DCLK3: variants seen among roughly 807,000 people sequenced by gnomAD.
The protein encoded by DCLK3 is doublecortin like kinase 3.
In DCLK3, 30 loss-of-function variants were observed where a neutral mutation model predicts 46.4. The ratio of observed to expected loss-of-function variants is 0.65; its 90% CI spans 0.48 to 0.88. DCLK3 has a LOEUF of 0.88. Among genes scored for constraint, DCLK3 ranks in the 40% least tolerant of loss-of-function variants. The probability of loss-of-function intolerance (pLI) is 0.00; values close to 1 mark genes in which losing one functional copy is unlikely to be tolerated. For missense variants in DCLK3, 846 were observed against 907.1 expected, an observed-to-expected ratio of 0.93 and a Z score of 0.87; for synonymous variants, 401 against 339.2, an observed-to-expected ratio of 1.18 and a Z score of -2.00.
chr3:36,715,436 G>A lies in DCLK3; in HGVS notation c.2346C>T (p.Ile782=), dbSNP rs372446395. 27 of 1,613,070 alleles carry A rather than the reference G, an allele frequency of 1.7e-5. No individual in the cohort carries two copies. The highest frequency in any genetic ancestry group is 1.5e-4 in the African/African-American group (11 of 74,884). The change falls in exon 5 of 5, where the codon ATC becomes ATT. Residue 782 remains isoleucine (I), a synonymous_variant. Transcript: ENST00000636136. ...TAHQVLQHPW[I]ETAGKTNTVK... ...CTGTATTGGTCTTGCCAGCTGTTTC[G>A]ATCCAGGGGTGCTGAAGAACCTGAT...
intron 2 of DCLK3, among the ~76,000 whole-genome samples, chr3:36,734,717 C>G (rs1701239146): frequency 6.6e-6 from 1 of 152,102 alleles, no homozygotes; most frequent in African/African-American, 2.4e-5. Flanking sequence ...CTCTTTCTCT[C>G]TCTGTCTCTC....
rs564835151 is a variant in DCLK3 at position 36,763,749 on chromosome 3, G to T, written c.82+433C>A. The stretch of plus-strand genomic sequence containing the variant: ...ATTCCATTCTTTACAGATTTGTGGA[G>T]AGGATGAAATACGCTTAACTCTAGG... On this transcript the variant is annotated intron_variant, in intron 1 of 4. Transcript: ENST00000636136. Among the ~76,000 whole-genome samples the T allele has an allele frequency of 2.6e-5, 4 of 152,318 alleles. No individual in the cohort carries two copies. In the South Asian group the frequency reaches 8.3e-4, roughly 32 times the overall value.
chr3:36,719,675 T>C (rs1279953194), intron 3 of DCLK3, among the ~76,000 whole-genome samples: 1 of 152,216 alleles, frequency 6.6e-6, no homozygotes, highest in African/African-American at 2.4e-5. Flanking sequence ...CATCTCTGTG[T>C]TGAGGAGTCT....
rs565814672 is a variant in DCLK3 at position 36,732,354 on chromosome 3, T to A, written c.1959+4854A>T. 2.4e-3 allele frequency among the ~76,000 whole-genome samples: 367 copies of A among 152,364 alleles called. 1 individual carries two copies. Among genetic ancestry groups the A allele is most frequent in the Non-Finnish European group, 4.4e-3 (302 of 68,038 alleles). On this transcript the variant is annotated intron_variant, in intron 2 of 4. Transcript: ENST00000636136. ...TGAGAAATTTCCTGTAACCTCTGCCTATGTGGCCAAACCCTGGAAATACAT... is the reference window on the plus strand; with the variant it reads ...TGAGAAATTTCCTGTAACCTCTGCCAATGTGGCCAAACCCTGGAAATACAT...
chr3:36,749,979 G>T (rs560041737), intron 1 of DCLK3, among the ~76,000 whole-genome samples: 1 of 152,192 alleles, frequency 6.6e-6, no homozygotes, highest in South Asian at 2.1e-4. Context: ...TAAATGAAAT[G>T]GATGGATCCC....
Position 36,738,518 on chromosome 3 carries a change from G to T in DCLK3, c.649C>A (p.Leu217Met). ...TCCCCACAGCGGTGGTCTCCTTTCA[G>T]AGCCTTGCTAAACAGCCTGCTCCTC... ...RLRSRLFSKALKGDHRCGETE... is the reference protein window; with the variant it reads ...RLRSRLFSKAMKGDHRCGETE... The change falls in exon 2 of 5, where the codon CTG (leucine) becomes ATG (methionine). Residue 217 changes from leucine to methionine, a missense_variant. By Grantham distance (15) the Leu-to-Met change is conservative. Around this residue, in one of 3 missense-constraint regions of DCLK3, gnomAD observed 553 missense variants for 543.0 expected, o/e 1.02. Coordinates refer to ENST00000636136, the MANE Select transcript of DCLK3 (RefSeq NM_001394672.2). 1 of 1,515,028 alleles carries T rather than the reference G, an allele frequency of 6.6e-7. No individual in the cohort carries two copies. Among genetic ancestry groups the T allele is most frequent in the East Asian group, 2.4e-5 (1 of 40,838 alleles). The allele number at this position is 1,515,028 out of a possible 1,614,324, so 93.8% of individuals were successfully genotyped here. A position where few individuals can be genotyped will look rare whatever the true frequency, so the allele number is the denominator to read the frequency against.
chr3:36,758,872 A>AGAACCT (rs1701512205), intron 1 of DCLK3, among the ~76,000 whole-genome samples: 1 of 152,244 alleles, frequency 6.6e-6, no homozygotes, highest in Non-Finnish European at 1.5e-5. Flanking sequence ...CAAATTCATA[A>AGAACCT]GAACCTGAAC....
At chr3:36,725,586 C>T (rs1331904042) in intron 2 of DCLK3, among the ~76,000 whole-genome samples, 5 of 152,204 alleles carry the variant, frequency 3.3e-5, no homozygotes, top group African/African-American at 1.2e-4. Flanking sequence ...CACTGCACTC[C>T]ATCCTGAGCA....
intron 1 of DCLK3, among the ~76,000 whole-genome samples, chr3:36,743,261 T>C (rs12152534): frequency 0.11 from 6,367 of 60,448 alleles, 195 homozygotes; most frequent in Middle Eastern, 0.2. Context: ...ATAATGCAAA[T>C]ATCCCAAAAT....
chr3:36,747,140 A>G (rs985775191), intron 1 of DCLK3, among the ~76,000 whole-genome samples: 2 of 152,218 alleles, frequency 1.3e-5, no homozygotes, highest in Non-Finnish European at 2.9e-5. Flanking sequence ...TGTACAGTAT[A>G]TAGAAGTGGC....
chr3:36,738,727 A>G lies in DCLK3; in HGVS notation c.440T>C (p.Phe147Ser). The G allele has an allele frequency of 7.6e-7, 1 of 1,314,564 alleles. No homozygotes were observed. Among genetic ancestry groups the G allele is most frequent in the Non-Finnish European group, 9.7e-7 (1 of 1,025,820 alleles). The allele number at this position is 1,314,564 out of a possible 1,614,324, so 81.4% of individuals were successfully genotyped here. Reference protein sequence around the residue: ...RWKNDRVRKLFNLKGREIRSV... With the variant: ...RWKNDRVRKLSNLKGREIRSV... ...CCTGATTTCCCTGCCCTTGAGGTTA[A>G]ACAGTTTCCTCACACGGTCATTCTT... Residue 147 changes from phenylalanine to serine, a missense_variant, in exon 2 of 5, where the codon TTT becomes TCT. Physicochemically the swap from Phe to Ser is radical, Grantham distance 155. Transcript: ENST00000636136.
At chr3:36,748,685 T>G (rs1022188943) in intron 1 of DCLK3, among the ~76,000 whole-genome samples, 3 of 152,138 alleles carry the variant, frequency 2.0e-5, no homozygotes, top group Admixed American at 6.5e-5. Flanking sequence ...CCAGGGTCCG[T>G]GAGGCCTCGG....
At chr3:36,743,707 A>G (rs1293468545) in intron 1 of DCLK3, among the ~76,000 whole-genome samples, 1 of 152,206 alleles carries the variant, frequency 6.6e-6, no homozygotes. Context: ...CCACATATAC[A>G]GAAGAGCAAG....
chr3:36,713,404 T>C lies in DCLK3; in HGVS notation c.*1924A>G, dbSNP rs1360269528. The C allele has an allele frequency of 6.6e-6, 1 of 152,212 alleles. No individual in the cohort carries two copies. Among genetic ancestry groups the C allele is most frequent in the African/African-American group, 2.4e-5 (1 of 41,446 alleles). 9.4% of individuals were successfully genotyped at this position (152,212 alleles called of 1,614,324 possible). A position where few individuals can be genotyped will look rare whatever the true frequency, so the allele number is the denominator to read the frequency against. On this transcript the variant is annotated 3_prime_UTR_variant, in exon 5 of 5. Coordinates refer to ENST00000636136, the MANE Select transcript of DCLK3 (RefSeq NM_001394672.2). Reference sequence around the variant, plus strand: ...TTTAGTGAAATGAAGGTTACTGGTGTCTTTATCAAAATATGTTCTAGTAGC... The same window carrying C: ...TTTAGTGAAATGAAGGTTACTGGTGCCTTTATCAAAATATGTTCTAGTAGC...
At chr3:36,762,489 G>A (rs1272991466) in intron 1 of DCLK3, among the ~76,000 whole-genome samples, 2 of 152,134 alleles carry the variant, frequency 1.3e-5, no homozygotes, top group African/African-American at 4.8e-5. Flanking sequence ...AGGTCAATTT[G>A]ACACAACTCC....
chr3:36,755,454 G>C (rs986963645), intron 1 of DCLK3, among the ~76,000 whole-genome samples: 4 of 152,132 alleles, frequency 2.6e-5, no homozygotes, highest in Non-Finnish European at 5.9e-5. Context: ...AGGAAGGTTA[G>C]AATGATTCTT....
In DCLK3 at chr3:36,745,418, T is replaced by C. The variant is rs540661528; in HGVS notation, c.83-6334A>G. On this transcript the variant is annotated intron_variant, in intron 1 of 4. Coordinates refer to ENST00000636136, the MANE Select transcript of DCLK3 (RefSeq NM_001394672.2). Reference sequence around the variant, plus strand: ...GGACTCAAGTAATACATACTTTCTCTATAAACATTTACAAATTATGTGTAC... The same window carrying C: ...GGACTCAAGTAATACATACTTTCTCCATAAACATTTACAAATTATGTGTAC... 3.3e-5 allele frequency among the ~76,000 whole-genome samples: 5 copies of C among 152,368 alleles called. 1 individual carries two copies. The South Asian group carries it at 1.0e-3, about 32-fold the overall frequency.
intron 1 of DCLK3, among the ~76,000 whole-genome samples, chr3:36,757,647 A>T (rs1701497804): frequency 6.6e-6 from 1 of 152,208 alleles, no homozygotes. Context: ...AAGATGTAGC[A>T]GTTTCTCAGA....
Position 36,738,759 on chromosome 3 carries a change from G to A in DCLK3, c.408C>T (p.Pro136=). ...LADISEALGS[P]RWKNDRVRKL... ...TCCTCACACGGTCATTCTTCCATCT[G>A]GGAGAGCCCAAGGCTTCTGAGATGT... The change falls in exon 2 of 5, where the codon CCC becomes CCT. Residue 136 remains proline, a synonymous_variant. Transcript: ENST00000636136. 1 of 1,288,992 alleles carries A rather than the reference G, an allele frequency of 7.8e-7. No homozygotes were observed. Among genetic ancestry groups the A allele is most frequent in the African/African-American group, 1.5e-5 (1 of 66,124 alleles). 79.8% of individuals were successfully genotyped at this position (1,288,992 alleles called of 1,614,324 possible). A position where few individuals can be genotyped will look rare whatever the true frequency, so the allele number is the denominator to read the frequency against.
Sources: gnomAD v4.1 joint callset for allele counts (sites outside exome capture counted in the v4.1 genomes callset) on GRCh38, gnomAD v4.1.1 for gene constraint, gnomAD v4.1.1 regional missense constraint, MANE v1.5 for transcripts, NCBI Gene and HGNC (gene_info 2026-07-23, HGNC 2026-07-21) for gene names.